CLPB: variants seen among roughly 807,000 people sequenced by gnomAD.
CLPB encodes mitochondrial disaggregase.
Under a neutral mutation model 78.4 loss-of-function variants are expected in CLPB, and 40 were observed. The observed-to-expected ratio is 0.51, with a 90% CI of 0.40 to 0.66. The LOEUF (loss-of-function observed/expected upper bound fraction) is 0.66, where lower values mean the gene tolerates loss of function less well. Ranked by LOEUF, CLPB falls within the 30% of genes least tolerant of loss-of-function variation. The pLI, the probability that CLPB is intolerant of heterozygous loss-of-function variation, is 0.00. For missense variants in CLPB, 780 were observed against 886.9 expected (o/e 0.88, Z 1.53); for synonymous variants, 333 against 348.0 (o/e 0.96, Z 0.48).
In CLPB at chr11:72,371,959, C is replaced by T. The variant is rs141212284; in HGVS notation, c.646+8322G>A. 2.5e-3 allele frequency among the ~76,000 whole-genome samples: 386 copies of T among 152,252 alleles called. 2 individuals carry two copies. Among genetic ancestry groups the T allele is most frequent in the African/African-American group, 8.9e-3 (368 of 41,530 alleles). The stretch of plus-strand genomic sequence containing the variant: ...GTAATGTCTTACATCTTTATTATTA[C>T]TAATTATTGTTCTTGCAAGCACCTT... On this transcript the variant is annotated intron_variant, in intron 4 of 15. Coordinates refer to ENST00000538039, the MANE Select transcript of CLPB (RefSeq NM_001258392.3).
At chr11:72,379,016 G>C (rs1210686014) in intron 4 of CLPB, among the ~76,000 whole-genome samples, 1 of 152,210 alleles carries the variant, frequency 6.6e-6, no homozygotes, top group African/African-American at 2.4e-5. Flanking sequence ...AGAGGTGGAA[G>C]GGAAGGGAGA....
intron 13 of CLPB, 77 bp downstream of exon 13, chr11:72,294,543 C>T: frequency 1.2e-6 from 2 of 1,609,500 alleles, no homozygotes; most frequent in South Asian, 1.1e-5. Flanking sequence ...TATGGGGCTT[C>T]CAGATCTTTA....
chr11:72,366,570 C>A (rs1396381521), intron 4 of CLPB, among the ~76,000 whole-genome samples: 1 of 152,060 alleles, frequency 6.6e-6, no homozygotes, highest in East Asian at 1.9e-4. Context: ...AAGCAAAAAA[C>A]AAATCCCATT....
intron 2 of CLPB, among the ~76,000 whole-genome samples, chr11:72,423,227 T>G (rs1247566209): frequency 1.3e-5 from 2 of 152,178 alleles, no homozygotes; most frequent in African/African-American, 4.8e-5. Flanking sequence ...CTAAATGACA[T>G]TTCCATTGGC....
intron 5 of CLPB, chr11:72,355,408 G>T (rs1950693934): frequency 6.6e-6 from 1 of 152,138 alleles, no homozygotes; most frequent in African/African-American, 2.4e-5. Context: ...GGGGAGGAAT[G>T]GAATTACAGC....
At chr11:72,359,237 G>A in intron 4 of CLPB, 1 of 683,296 alleles carries the variant, frequency 1.5e-6, no homozygotes, top group Non-Finnish European at 2.7e-6. Flanking sequence ...GATTCATCCT[G>A]GGGACATGAA....
At chr11:72,331,860 C>T (rs1324298380) in intron 5 of CLPB, among the ~76,000 whole-genome samples, 1 of 152,040 alleles carries the variant, frequency 6.6e-6, no homozygotes, top group Non-Finnish European at 1.5e-5. Context: ...AGGTGTGAGC[C>T]ACCATGCCCA....
intron 5 of CLPB, among the ~76,000 whole-genome samples, chr11:72,335,801 C>T (rs143622087): frequency 2.3e-4 from 35 of 152,278 alleles, no homozygotes; most frequent in African/African-American, 7.9e-4. Context: ...ATGATTGAAC[C>T]GTATTCTCTC....
At chr11:72,421,313 A>C (rs1209850117) in intron 2 of CLPB, among the ~76,000 whole-genome samples, 2 of 151,630 alleles carry the variant, frequency 1.3e-5, no homozygotes, top group Admixed American at 6.6e-5. Flanking sequence ...CTCCTTCCCT[A>C]CTAAACTCTC....
intron 5 of CLPB, among the ~76,000 whole-genome samples, chr11:72,341,779 G>A (rs893598888): frequency 4.6e-5 from 7 of 152,230 alleles, no homozygotes; most frequent in African/African-American, 1.7e-4. Context: ...TTGGAAACTG[G>A]TGGCAGAAGT....
Position 72,302,286 on chromosome 11 carries a change from AG to A in CLPB, c.1167+17del. 6.2e-7 allele frequency: 1 copy of A among 1,613,544 alleles called. No homozygotes were observed. The highest frequency in any genetic ancestry group is 8.5e-7 in the Non-Finnish European group (1 of 1,179,476). ...AGCCCTCCAAACCATGCTTCAATCA[AG>A]GACTGTCATCACTCACCTCGTGTCG... is the stretch of plus-strand genomic sequence containing the variant. On this transcript the variant is annotated intron_variant, in intron 10 of 15. Coordinates refer to ENST00000538039, the MANE Select transcript of CLPB (RefSeq NM_001258392.3).
intron 1 of CLPB, 84 bp downstream of exon 1, chr11:72,433,988 A>G (rs988229894): frequency 1.4e-5 from 21 of 1,504,270 alleles, no homozygotes; most frequent in East Asian, 4.5e-5. Flanking sequence ...ATCTAAACCT[A>G]TAAGTACCTC....
At chr11:72,325,163 T>C (rs1174732149) in intron 6 of CLPB, among the ~76,000 whole-genome samples, 1 of 152,142 alleles carries the variant, frequency 6.6e-6, no homozygotes, top group Non-Finnish European at 1.5e-5. Context: ...TGCTATCATG[T>C]CAACAGAGAT....
chr11:72,419,684 G>C (rs1482431468), intron 2 of CLPB, among the ~76,000 whole-genome samples: 1 of 152,146 alleles, frequency 6.6e-6, no homozygotes, highest in African/African-American at 2.4e-5. Flanking sequence ...CCTTGTGCTA[G>C]AGAGCTCTTC....
intron 9 of CLPB, chr11:72,304,138 A>G (rs1033485134): frequency 6.6e-6 from 1 of 152,218 alleles, no homozygotes; most frequent in Non-Finnish European, 1.5e-5. Context: ...TGTAATTTTG[A>G]ACAAGTTTTT....
intron 4 of CLPB, chr11:72,373,086 G>A: frequency 7.6e-7 from 1 of 1,315,146 alleles, no homozygotes; most frequent in Non-Finnish European, 1.1e-6. Flanking sequence ...CTGGGAAGGG[G>A]GCACTCAGGC....
intron 5 of CLPB, among the ~76,000 whole-genome samples, chr11:72,350,073 G>A (rs534404756): frequency 2.6e-5 from 4 of 152,388 alleles, no homozygotes; most frequent in South Asian, 2.1e-4. Flanking sequence ...GCTCAACTAT[G>A]CAGTGGCTCC....
intron 4 of CLPB, among the ~76,000 whole-genome samples, chr11:72,363,213 C>T (rs117088064): frequency 0.032 from 4,796 of 150,372 alleles, 116 homozygotes; most frequent in Non-Finnish European, 0.04. Flanking sequence ...GGGGAGGGGA[C>T]GGAGGGAAGG....
intron 2 of CLPB, 30 bp from the exon 3 acceptor site, chr11:72,403,082 G>T (rs750067531): frequency 1.6e-5 from 26 of 1,594,982 alleles, no homozygotes; most frequent in Admixed American, 3.3e-5. Flanking sequence ...TATTTTCAGT[G>T]TATGGCTTGA....
Sources: gnomAD v4.1 joint callset for allele counts (sites outside exome capture counted in the v4.1 genomes callset) on GRCh38, gnomAD v4.1.1 for gene constraint, MANE v1.5 for transcripts, NCBI Gene and HGNC (gene_info 2026-07-23, HGNC 2026-07-21) for gene names.